The following ELMOD1 variants were observed in gnomAD, a reference collection of about 807,000 sequenced individuals.
The protein encoded by ELMOD1 is ELMO domain containing 1.
In ELMOD1, 21 loss-of-function variants were observed where a neutral mutation model predicts 46.7. The observed-to-expected ratio is 0.45, with a 90% CI of 0.32 to 0.65. ELMOD1 has a LOEUF of 0.65. Ranked by LOEUF, ELMOD1 falls within the 30% of genes least tolerant of loss-of-function variation. The probability of loss-of-function intolerance (pLI) is 0.04; values close to 1 mark genes in which losing one functional copy is unlikely to be tolerated. For synonymous variants in ELMOD1, 122 were observed against 138.2 expected, an observed-to-expected ratio of 0.88 and a Z score of 0.82; for missense variants, 348 against 407.8, an observed-to-expected ratio of 0.85 and a Z score of 1.26.
At chr11:107,661,071 C>A (rs1474011654) in intron 11 of ELMOD1, among the ~76,000 whole-genome samples, 1 of 152,128 alleles carries the variant, frequency 6.6e-6, no homozygotes, top group Non-Finnish European at 1.5e-5. Flanking sequence ...GCCAGACCAC[C>A]ATTTCTGCAT....
intron 11 of ELMOD1, among the ~76,000 whole-genome samples, chr11:107,663,063 A>G (rs975553789): frequency 6.6e-6 from 1 of 152,044 alleles, no homozygotes; most frequent in African/African-American, 2.4e-5. Context: ...TTCCTCATCC[A>G]AGGAACAAAC....
rs555602866 is a variant in ELMOD1, at chr11:107,663,119, G to A, written c.833-1906G>A. ...AAGTTCAAGCCTGAATGCTGCCTCC[G>A]GGAATCCAAGCATCAGATGAAGAGA... On this transcript the variant is annotated intron_variant, in intron 11 of 11. Transcript: ENST00000265840. Among the ~76,000 whole-genome samples, 57 of 152,172 alleles carry A rather than the reference G, an allele frequency of 3.7e-4. No individual in the cohort carries two copies. In the South Asian group the frequency reaches 5.6e-3, roughly 15 times the overall value.
chr11:107,623,137 C>G (rs1865980960), intron 2 of ELMOD1: 2 of 152,230 alleles, frequency 1.3e-5, no homozygotes, highest in Admixed American at 6.5e-5. Flanking sequence ...TCCCCCACCC[C>G]ACAACAGGCC....
chr11:107,592,337 C>T (rs374497011), intron 1 of ELMOD1: 7 of 533,576 alleles, frequency 1.3e-5, no homozygotes, highest in Non-Finnish European at 1.9e-5. Context: ...ACGCTGCTAA[C>T]CCCCAGTGGG....
At chr11:107,650,278 A>C (rs1866501724) in intron 7 of ELMOD1, 57 bp from the exon 8 acceptor site, 1 of 1,220,688 alleles carries the variant, frequency 8.2e-7, no homozygotes, top group African/African-American at 1.5e-5. Flanking sequence ...ATTAAAATGA[A>C]TATATTCAGC....
intron 2 of ELMOD1, among the ~76,000 whole-genome samples, chr11:107,629,047 A>G (rs1320871513): frequency 6.6e-6 from 1 of 152,198 alleles, no homozygotes; most frequent in East Asian, 1.9e-4. Context: ...CCTGCAAAGT[A>G]TTCCATTATG....
At chr11:107,598,796 A>AGT (rs2135646866) in intron 1 of ELMOD1, among the ~76,000 whole-genome samples, 1 of 152,284 alleles carries the variant, frequency 6.6e-6, no homozygotes, top group East Asian at 1.9e-4. Flanking sequence ...CAGCATTTCA[A>AGT]GTGTTATTTT....
At chr11:107,608,032 AAG>A (rs1224677095) in intron 1 of ELMOD1, among the ~76,000 whole-genome samples, 3 of 149,560 alleles carry the variant, frequency 2.0e-5, no homozygotes, top group African/African-American at 7.4e-5. Context: ...AAAAAAAAAA[AAG>A]AAAAAAAAAA....
At chr11:107,624,387 A>G (rs1367895415) in intron 2 of ELMOD1, among the ~76,000 whole-genome samples, 1 of 152,228 alleles carries the variant, frequency 6.6e-6, no homozygotes. Context: ...ACGGCGGCTC[A>G]TGCCTATAAT....
intron 11 of ELMOD1, among the ~76,000 whole-genome samples, chr11:107,659,859 T>C (rs1439215537): frequency 6.6e-6 from 1 of 152,064 alleles, no homozygotes; most frequent in East Asian, 1.9e-4. Context: ...CCCAGGAGTT[T>C]GAGACCAACC....
intron 1 of ELMOD1, among the ~76,000 whole-genome samples, chr11:107,611,619 G>A (rs1865781855): frequency 6.7e-6 from 1 of 149,754 alleles, no homozygotes; most frequent in Non-Finnish European, 1.5e-5. Flanking sequence ...GCAGGAGAAT[G>A]GCGTGAACCT....
intron 1 of ELMOD1, among the ~76,000 whole-genome samples, chr11:107,608,314 T>C (rs1865722131): frequency 6.6e-6 from 1 of 151,910 alleles, no homozygotes; most frequent in African/African-American, 2.4e-5. Context: ...CCTAGGTGAT[T>C]TGAAATATTT....
chr11:107,602,498 T>G (rs1287380215), intron 1 of ELMOD1, among the ~76,000 whole-genome samples: 2 of 152,186 alleles, frequency 1.3e-5, no homozygotes, highest in African/African-American at 4.8e-5. Context: ...ATCTTTTTGT[T>G]AAATTCTTCT....
chr11:107,644,003 TG>T (rs1866372732), intron 6 of ELMOD1: 1 of 156,972 alleles, frequency 6.4e-6, no homozygotes, highest in African/African-American at 2.4e-5. Context: ...CCAGGCACGG[TG>T]GGTCATATCT....
Position 107,616,265 on chromosome 11 carries a change from A to C in ELMOD1, c.-85-1840A>C, listed in dbSNP as rs771424063. Among the ~76,000 whole-genome samples the C allele has an allele frequency of 3.4e-4, 51 of 150,408 alleles. No individual in the cohort carries two copies. The Middle Eastern group carries it at 0.014, about 42-fold the overall frequency. ...CCTGCCTCCACCTTCCAAAGTGCTG[A>C]GATTACAGGTGTGAGCCACTGTGCC... On this transcript the variant is annotated intron_variant, in intron 1 of 11. Transcript: ENST00000265840.
intron 6 of ELMOD1, among the ~76,000 whole-genome samples, chr11:107,645,512 A>T (rs1866413811): frequency 6.6e-6 from 1 of 151,270 alleles, no homozygotes; most frequent in African/African-American, 2.4e-5. Context: ...TTTAGTAGGG[A>T]TGGGGTTTCA....
chr11:107,643,160 G>A (rs748828503), intron 6 of ELMOD1: 2 of 178,910 alleles, frequency 1.1e-5, no homozygotes, highest in Non-Finnish European at 2.3e-5. Context: ...TGGCCAACAT[G>A]GTGAAACCCC....
At position 107,616,696 on chromosome 11, in the gene ELMOD1, G is replaced by A. The variant is rs192712430; in HGVS notation, c.-85-1409G>A. 4.9e-4 allele frequency among the ~76,000 whole-genome samples: 75 copies of A among 152,292 alleles called. No homozygotes were observed. In the East Asian group the frequency reaches 0.012, roughly 23 times the overall value. On this transcript the variant is annotated intron_variant, in intron 1 of 11. Transcript: ENST00000265840. ...GCCTGGCCTGCTCCACCTACTTGAG[G>A]GCAGAGTGGCTACGTCAATTATTTG...
intron 2 of ELMOD1, among the ~76,000 whole-genome samples, chr11:107,621,976 G>A (rs1244283604): frequency 2.0e-5 from 3 of 152,228 alleles, no homozygotes; most frequent in South Asian, 2.1e-4. Flanking sequence ...GCAGTGAGCC[G>A]AGATCACGCC....
Sources: allele counts gnomAD v4.1 joint callset (sites outside exome capture counted in the v4.1 genomes callset), GRCh38; gene constraint gnomAD v4.1.1; transcripts MANE v1.5; gene names NCBI Gene and HGNC (gene_info 2026-07-23, HGNC 2026-07-21).